FAM171A1: variants seen among roughly 807,000 people sequenced by gnomAD.
FAM171A1 encodes the protein family with sequence similarity 171 member A1, also known as protein FAM171A1.
In FAM171A1, 23 loss-of-function variants were observed where a neutral mutation model predicts 74.9. The observed-to-expected ratio is 0.31, with a 90% CI of 0.22 to 0.44. The LOEUF is 0.44. FAM171A1 is among the 20% of genes least tolerant of loss of function. FAM171A1 has a pLI of 1.00. For missense variants in FAM171A1, 1,162 were observed against 1,159.2 expected, an observed-to-expected ratio of 1.00 and a Z score of -0.03; for synonymous variants, 527 against 505.7, an observed-to-expected ratio of 1.04 and a Z score of -0.57.
chr10:15,233,903 C>CAA (rs915508767), intron 5 of FAM171A1, among the ~76,000 whole-genome samples: 9 of 129,166 alleles, frequency 7.0e-5, no homozygotes, highest in Non-Finnish European at 1.3e-4. Flanking sequence ...TCCGTCTCAC[C>CAA]AAAAAAAAAA....
Position 15,213,192 on chromosome 10 carries a change from C to T in FAM171A1, c.2396G>A (p.Ser799Asn), listed in dbSNP as rs1564611183. The T allele has an allele frequency of 6.2e-7, 1 of 1,614,174 alleles. No individual in the cohort carries two copies. Among genetic ancestry groups the T allele is most frequent in the Non-Finnish European group, 8.5e-7 (1 of 1,180,046 alleles). ...GGTACAGACCGTGGTCCCACATTCGCTACCACTCTGTTCCACGTCATCCAG... is the reference window on the plus strand; with the variant it reads ...GGTACAGACCGTGGTCCCACATTCGTTACCACTCTGTTCCACGTCATCCAG... ...VYLDDVEQSG[S>N]ECGTTVCTPE... The change falls in exon 8 of 8, where the codon AGC (serine) becomes AAC (asparagine). Residue 799 changes from serine to asparagine, a missense_variant. Ser to Asn is a conservative substitution (Grantham distance 46). Transcript: ENST00000378116. This position sits in a 1 kb window ranked among gnomAD's most constrained non-coding sequence, Gnocchi z 6.8.
chr10:15,271,252 A>T (rs1834821150), intron 3 of FAM171A1, among the ~76,000 whole-genome samples: 1 of 152,236 alleles, frequency 6.6e-6, no homozygotes. Context: ...AAGCTTCAGT[A>T]GCAGATTCAA....
chr10:15,319,030 C>T (rs1185475370), intron 1 of FAM171A1, among the ~76,000 whole-genome samples: 1 of 152,210 alleles, frequency 6.6e-6, no homozygotes. Flanking sequence ...GCCTTCCATA[C>T]TTTGGTCTAC....
chr10:15,339,863 T>C (rs1285603449), intron 1 of FAM171A1, among the ~76,000 whole-genome samples: 1 of 152,128 alleles, frequency 6.6e-6, no homozygotes, highest in East Asian at 1.9e-4. Flanking sequence ...CTCACAATCA[T>C]AGCAGAAGAT....
chr10:15,256,124 G>T (rs969314110), intron 3 of FAM171A1, among the ~76,000 whole-genome samples: 4 of 152,214 alleles, frequency 2.6e-5, no homozygotes, highest in African/African-American at 7.2e-5. Context: ...GTGCTTTGCT[G>T]AGGGTTCCTT....
intron 5 of FAM171A1, among the ~76,000 whole-genome samples, chr10:15,228,532 T>C (rs1834139415): frequency 1.3e-5 from 2 of 151,898 alleles, no homozygotes; most frequent in Admixed American, 1.3e-4. Flanking sequence ...TTAGTAGAGA[T>C]GGGGTTTCAC....
intron 6 of FAM171A1, among the ~76,000 whole-genome samples, chr10:15,220,672 A>G (rs1166039429): frequency 6.6e-6 from 1 of 152,050 alleles, no homozygotes; most frequent in Non-Finnish European, 1.5e-5. Flanking sequence ...TGGGCTTTTG[A>G]TGAAGAATTC....
intron 1 of FAM171A1, among the ~76,000 whole-genome samples, chr10:15,338,419 T>A (rs1395039076): frequency 6.6e-6 from 1 of 152,242 alleles, no homozygotes; most frequent in African/African-American, 2.4e-5. Flanking sequence ...AGTCATTAGT[T>A]TACATTCCTT....
At chr10:15,277,530 G>T (rs1834909657) in intron 2 of FAM171A1, among the ~76,000 whole-genome samples, 1 of 152,164 alleles carries the variant, frequency 6.6e-6, no homozygotes, top group African/African-American at 2.4e-5. Context: ...GGCATCTGAA[G>T]TAGGCATTAT....
intron 5 of FAM171A1, among the ~76,000 whole-genome samples, chr10:15,247,165 A>T (rs1179960329): frequency 6.6e-6 from 1 of 152,226 alleles, no homozygotes; most frequent in African/African-American, 2.4e-5. Context: ...AGTATGATAT[A>T]TCCACAGGGT....
intron 4 of FAM171A1, among the ~76,000 whole-genome samples, chr10:15,252,834 T>C (rs1248565531): frequency 1.3e-5 from 2 of 152,204 alleles, no homozygotes; most frequent in Non-Finnish European, 2.9e-5. Flanking sequence ...AGTGTTCGTT[T>C]TCCCCCATTT....
At chr10:15,216,773 TA>T (rs1833972290) in intron 6 of FAM171A1, among the ~76,000 whole-genome samples, 1 of 150,062 alleles carries the variant, frequency 6.7e-6, no homozygotes, top group African/African-American at 2.5e-5. Context: ...CATGACGATA[TA>T]ATGACTGGGA....
At chr10:15,350,015 G>A (rs1017649242) in intron 1 of FAM171A1, among the ~76,000 whole-genome samples, 4 of 151,854 alleles carry the variant, frequency 2.6e-5, no homozygotes, top group African/African-American at 7.3e-5. Flanking sequence ...GGGTGAAGAC[G>A]AATGATAATA....
chr10:15,263,157 G>C (rs886130635), intron 3 of FAM171A1, among the ~76,000 whole-genome samples: 1 of 152,158 alleles, frequency 6.6e-6, no homozygotes, highest in Non-Finnish European at 1.5e-5. Context: ...GCAGCTGGGG[G>C]CATCTTGTCT....
At chr10:15,296,529 C>G (rs189825235) in intron 1 of FAM171A1, among the ~76,000 whole-genome samples, 12 of 152,102 alleles carry the variant, frequency 7.9e-5, no homozygotes, top group African/African-American at 2.9e-4. Flanking sequence ...GATGTTCCTC[C>G]GCAAAGACCA....
rs1048422036 is a variant in FAM171A1, at chr10:15,312,817, C to T, written c.98-28712G>A. On this transcript the variant is annotated intron_variant, in intron 1 of 7. Transcript: ENST00000378116. ...GGTCTAAGCGATTCTCCTGCCTCAG[C>T]CTCCTGAGTAGCTGGGATTACAGGC... Among the ~76,000 whole-genome samples, 6 of 149,230 alleles carry T rather than the reference C, an allele frequency of 4.0e-5. No homozygotes were observed. In the East Asian group the frequency reaches 1.2e-3, roughly 30 times the overall value.
At chr10:15,228,626 C>T (rs1022768025) in intron 5 of FAM171A1, among the ~76,000 whole-genome samples, 1 of 152,212 alleles carries the variant, frequency 6.6e-6, no homozygotes, top group Non-Finnish European at 1.5e-5. Context: ...GGGTTGCAGG[C>T]GTGCGCCCCG....
chr10:15,274,088 T>C (rs930641266), intron 3 of FAM171A1, among the ~76,000 whole-genome samples: 15 of 152,230 alleles, frequency 9.9e-5, no homozygotes, highest in Non-Finnish European at 2.1e-4. Flanking sequence ...AAAAAGGAAG[T>C]CAAATTGTCC....
At chr10:15,340,417 T>A (rs901932843) in intron 1 of FAM171A1, among the ~76,000 whole-genome samples, 4 of 152,208 alleles carry the variant, frequency 2.6e-5, no homozygotes, top group African/African-American at 9.6e-5. Context: ...TCCCACTATA[T>A]TGAAATTTCT....
Sources: allele counts gnomAD v4.1 joint callset (sites outside exome capture counted in the v4.1 genomes callset), GRCh38; gene constraint gnomAD v4.1.1; non-coding constraint Gnocchi (gnomAD v3.1); transcripts MANE v1.5; gene names NCBI Gene and HGNC (gene_info 2026-07-23, HGNC 2026-07-21).